Variants in SGIP1 observed in about 807,000 individuals in gnomAD.
The protein encoded by SGIP1 is SH3GL interacting endocytic adaptor 1.
A neutral mutation model predicts 107.5 loss-of-function variants in SGIP1; 38 were observed. The ratio of observed to expected loss-of-function variants is 0.35; its 90% CI spans 0.27 to 0.46. The LOEUF (loss-of-function observed/expected upper bound fraction) is 0.46. Among genes scored for constraint, SGIP1 ranks in the 20% least tolerant of loss-of-function variants. SGIP1 has a pLI of 1.00. For synonymous variants in SGIP1, 365 were observed against 366.1 expected, an observed-to-expected ratio of 1.00 and a Z score of 0.03; for missense variants, 929 against 1,019.5, an observed-to-expected ratio of 0.91 and a Z score of 1.21.
intron 1 of SGIP1, among the ~76,000 whole-genome samples, chr1:66,535,368 C>T (rs1275041500): frequency 6.6e-6 from 1 of 152,200 alleles, no homozygotes; most frequent in Non-Finnish European, 1.5e-5. Context: ...CATAATGGGT[C>T]TCAAATCAGC....
At position 66,597,457 on chromosome 1, in the gene SGIP1, G is replaced by C. The variant is rs533359520; in HGVS notation, c.11-28390G>C. ...AATAACTAAGCAAAAGTGAGATCTG[G>C]TGCTTTTGTCCCCTTAAAAATGGGA... On this transcript the variant is annotated intron_variant, in intron 1 of 24. Transcript: ENST00000371037. 5.2e-4 allele frequency among the ~76,000 whole-genome samples: 79 copies of C among 152,288 alleles called. 1 individual carries two copies. The highest frequency in any genetic ancestry group is 4.4e-3 in the South Asian group (21 of 4,826).
intron 1 of SGIP1, among the ~76,000 whole-genome samples, chr1:66,610,877 T>G: frequency 6.6e-6 from 1 of 152,148 alleles, no homozygotes; most frequent in East Asian, 1.9e-4. Flanking sequence ...GTAAAGTAAC[T>G]CAGGAATGGA....
At chr1:66,742,361 G>A (rs1342776807) in intron 24 of SGIP1, among the ~76,000 whole-genome samples, 1 of 149,254 alleles carries the variant, frequency 6.7e-6, no homozygotes, top group Non-Finnish European at 1.5e-5. Flanking sequence ...GATAAATCCT[G>A]GTTTTTTTAT....
In SGIP1 at chr1:66,733,756, C is replaced by T; in HGVS notation, c.1907C>T (p.Thr636Ile). The change falls in exon 21 of 25, where the codon ACA (threonine) becomes ATA (isoleucine). Residue 636 changes from threonine (T) to isoleucine (I), a missense_variant. Around this residue, in one of 2 missense-constraint regions of SGIP1, gnomAD observed 341 missense variants for 430.9 expected, o/e 0.79. Coordinates refer to ENST00000371037, the MANE Select transcript of SGIP1 (RefSeq NM_032291.4). ...PNPQLLCCDNTQNDANTKEFW... is the reference protein window; with the variant it reads ...PNPQLLCCDNIQNDANTKEFW... ...TCTTCCCAAATGAACAGTGATAATACACAAAATGATGCCAATACCAAGGAA... is the reference window on the plus strand; with the variant it reads ...TCTTCCCAAATGAACAGTGATAATATACAAAATGATGCCAATACCAAGGAA... The T allele has an allele frequency of 5.6e-6, 9 of 1,612,194 alleles. No homozygotes were observed. Among genetic ancestry groups the T allele is most frequent in the African/African-American group, 1.3e-5 (1 of 74,948 alleles).
chr1:66,631,540 G>C (rs565763977), intron 2 of SGIP1, among the ~76,000 whole-genome samples: 1 of 152,250 alleles, frequency 6.6e-6, no homozygotes, highest in African/African-American at 2.4e-5. Context: ...TATGCACTCT[G>C]TCAAGTGTAT....
At chr1:66,563,174 G>T (rs1340011420) in intron 1 of SGIP1, among the ~76,000 whole-genome samples, 1 of 151,976 alleles carries the variant, frequency 6.6e-6, no homozygotes, top group Non-Finnish European at 1.5e-5. Flanking sequence ...AACAAGAGAT[G>T]CCTAAGAGGG....
At chr1:66,708,550 T>C (rs1032850666) in intron 18 of SGIP1, among the ~76,000 whole-genome samples, 1 of 152,226 alleles carries the variant, frequency 6.6e-6, no homozygotes, top group Admixed American at 6.5e-5. Context: ...TATTTAACAA[T>C]AGTATTTTTG....
chr1:66,602,990 G>C (rs903682035), intron 1 of SGIP1, among the ~76,000 whole-genome samples: 11 of 152,050 alleles, frequency 7.2e-5, no homozygotes, highest in African/African-American at 2.4e-4. Flanking sequence ...GAAACAATGG[G>C]GTTTGTTTTT....
chr1:66,638,955 T>C (rs992510887), intron 4 of SGIP1, among the ~76,000 whole-genome samples: 2 of 152,232 alleles, frequency 1.3e-5, no homozygotes, highest in African/African-American at 4.8e-5. Flanking sequence ...ACCAACGTGA[T>C]TTGTGTTTGT....
intron 7 of SGIP1, chr1:66,660,179 GAAAGAA>G (rs2081073507): frequency 7.3e-6 from 1 of 136,356 alleles, no homozygotes; most frequent in African/African-American, 5.1e-5. Context: ...AAGAAAGAAA[GAAAGAA>G]AGAAAGAAAG....
chr1:66,699,952 A>G (rs2091626391), intron 18 of SGIP1, among the ~76,000 whole-genome samples: 1 of 152,202 alleles, frequency 6.6e-6, no homozygotes, highest in Non-Finnish European at 1.5e-5. Flanking sequence ...TGAGTAACTA[A>G]CATCTGAGTA....
chr1:66,597,500 G>T (rs2064949199), intron 1 of SGIP1, among the ~76,000 whole-genome samples: 1 of 152,182 alleles, frequency 6.6e-6, no homozygotes, highest in Non-Finnish European at 1.5e-5. Flanking sequence ...GGAGTATTCT[G>T]CAGTACTATA....
intron 1 of SGIP1, among the ~76,000 whole-genome samples, chr1:66,608,327 G>A (rs182334573): frequency 3.9e-5 from 6 of 152,308 alleles, no homozygotes; most frequent in African/African-American, 1.4e-4. Context: ...AGATTAAGAT[G>A]TATCCTTTTA....
At chr1:66,728,599 C>T (rs1195906411) in intron 19 of SGIP1, among the ~76,000 whole-genome samples, 1 of 152,088 alleles carries the variant, frequency 6.6e-6, no homozygotes, top group Admixed American at 6.5e-5. Context: ...ATCCCATTAC[C>T]GGTTATATTC....
chr1:66,686,196 T>G (rs1248666408), intron 15 of SGIP1, among the ~76,000 whole-genome samples: 2 of 152,212 alleles, frequency 1.3e-5, no homozygotes, highest in Non-Finnish European at 2.9e-5. Context: ...TTCCACGGCC[T>G]GTGCCTTGAC....
chr1:66,729,338 C>T lies in SGIP1; in HGVS notation c.1817C>T (p.Pro606Leu), dbSNP rs775995652. 1.3e-5 allele frequency: 21 copies of T among 1,614,112 alleles called. No homozygotes were observed. The highest frequency in any genetic ancestry group is 1.7e-5 in the Admixed American group (1 of 60,006). The change falls in exon 20 of 25, where the codon CCG becomes CTG. Residue 606 changes from proline to leucine, a missense_variant. Physicochemically the swap from Pro to Leu is moderately conservative, Grantham distance 98. Coordinates refer to ENST00000371037, the MANE Select transcript of SGIP1 (RefSeq NM_032291.4). ...AGITRHFANN[P>L]SPAALTFRVI... is the part of the protein sequence containing the mutation. Reference sequence around the variant, plus strand: ...ATCACCAGACACTTTGCCAACAACCCGTCCCCAGCTGCTCTGACTTTTCGG... The same window carrying T: ...ATCACCAGACACTTTGCCAACAACCTGTCCCCAGCTGCTCTGACTTTTCGG...
rs1315026372 is a variant in SGIP1 at position 66,625,911 on chromosome 1, G to A, written c.74+1G>A. On this transcript the variant is annotated splice_donor_variant, in intron 2 of 24. Transcript: ENST00000371037. LOFTEE classifies it high-confidence loss of function. ...AGAAAGAAAAGGACACTGATTCTAC[G>A]TATGTACTTTAGGAGTTTGCCTCCT... is the stretch of plus-strand genomic sequence containing the variant. The A allele has an allele frequency of 1.2e-6, 2 of 1,611,346 alleles. No individual in the cohort carries two copies. The highest frequency in any genetic ancestry group is 1.7e-6 in the Non-Finnish European group (2 of 1,178,368).
intron 19 of SGIP1, among the ~76,000 whole-genome samples, chr1:66,723,598 ATTAT>A (rs1460864850): frequency 6.6e-6 from 1 of 152,160 alleles, no homozygotes; most frequent in Non-Finnish European, 1.5e-5. Context: ...TCACATTTTA[ATTAT>A]TTATTCAGTA....
chr1:66,578,101 A>C (rs1008321226), intron 1 of SGIP1, among the ~76,000 whole-genome samples: 11 of 152,162 alleles, frequency 7.2e-5, no homozygotes, highest in African/African-American at 2.7e-4. Flanking sequence ...TTAGAAATAC[A>C]TTCCTATTAC....
Sources: gnomAD v4.1 joint callset for allele counts (sites outside exome capture counted in the v4.1 genomes callset) on GRCh38, gnomAD v4.1.1 for gene constraint, gnomAD v4.1.1 regional missense constraint, MANE v1.5 for transcripts, NCBI Gene and HGNC (gene_info 2026-07-23, HGNC 2026-07-21) for gene names.